The following GTF2A1L variants were observed in gnomAD, a reference collection of about 807,000 sequenced individuals.
GTF2A1L encodes the protein general transcription factor IIA subunit 1 like.
GTF2A1L carries 48 observed loss-of-function variants against 49.7 expected under a neutral mutation model. The ratio of observed to expected loss-of-function variants is 0.97; its 90% CI spans 0.77 to 1.23. The LOEUF (loss-of-function observed/expected upper bound fraction) is 1.23, where lower values mean the gene tolerates loss of function less well. GTF2A1L is among the 50% of genes most tolerant of loss of function. The probability of loss-of-function intolerance (pLI) is 0.00; values close to 1 mark genes in which losing one functional copy is unlikely to be tolerated. For missense variants in GTF2A1L, 736 were observed against 564.8 expected (o/e 1.30, Z -3.07); for synonymous variants, 246 against 193.5 (o/e 1.27, Z -2.25).
Position 48,679,543 on chromosome 2 carries a change from T to A in GTF2A1L, c.*101T>A. ...TGAATATAGTCCAGCACAGAGCTGT[T>A]CAAATTTTTAGTTCACTGTATGGAA... On this transcript the variant is annotated 3_prime_UTR_variant, in exon 9 of 9. Transcript: ENST00000403751. 1 of 1,501,332 alleles carries A rather than the reference T, an allele frequency of 6.7e-7. No homozygotes were observed. Among genetic ancestry groups the A allele is most frequent in the Non-Finnish European group, 8.8e-7 (1 of 1,131,652 alleles). The allele number at this position is 1,501,332 out of a possible 1,614,324, so 93.0% of individuals were successfully genotyped here.
At chr2:48,679,263 C>A in intron 8 of GTF2A1L, 72 bp from the exon 9 acceptor site, 1 of 1,552,708 alleles carries the variant, frequency 6.4e-7, no homozygotes, top group Non-Finnish European at 8.7e-7. Flanking sequence ...ATCCCATTTA[C>A]TGTAGCAGAG....
chr2:48,628,638 G>A (rs56141700), intron 3 of GTF2A1L, among the ~76,000 whole-genome samples: 17,574 of 143,246 alleles, frequency 0.12, 3,138 homozygotes, highest in African/African-American at 0.14. Flanking sequence ...TGAGTAGTTC[G>A]TGAATATTTT....
chr2:48,660,941 C>T (rs1678459294), intron 6 of GTF2A1L, among the ~76,000 whole-genome samples: 1 of 152,080 alleles, frequency 6.6e-6, no homozygotes, highest in African/African-American at 2.4e-5. Flanking sequence ...ATGGCCGACC[C>T]TCATTGATAA....
At chr2:48,659,678 C>A (rs1349573665) in intron 6 of GTF2A1L, among the ~76,000 whole-genome samples, 1 of 151,948 alleles carries the variant, frequency 6.6e-6, no homozygotes, top group Non-Finnish European at 1.5e-5. Context: ...ATATACAAGT[C>A]TTTTGCCTCT....
chr2:48,676,904 A>G (rs1361399272), intron 8 of GTF2A1L, among the ~76,000 whole-genome samples: 2 of 150,164 alleles, frequency 1.3e-5, no homozygotes, highest in South Asian at 2.1e-4. Flanking sequence ...TGTATAATGT[A>G]ACATATGGTT....
At chr2:48,665,980 G>C (rs1015910980) in intron 6 of GTF2A1L, among the ~76,000 whole-genome samples, 1 of 151,960 alleles carries the variant, frequency 6.6e-6, no homozygotes, top group African/African-American at 2.4e-5. Context: ...AGCTATGTTT[G>C]TAGGTATATA....
chr2:48,672,934 A>G (rs1321188105), intron 8 of GTF2A1L, among the ~76,000 whole-genome samples: 2 of 152,170 alleles, frequency 1.3e-5, no homozygotes, highest in African/African-American at 4.8e-5. Context: ...TTAGTGCAGT[A>G]TTCTCCCCAT....
chr2:48,657,756 A>G lies in GTF2A1L; in HGVS notation c.978+10714A>G, dbSNP rs546330402. 1.4e-4 allele frequency among the ~76,000 whole-genome samples: 12 copies of G among 87,064 alleles called. No homozygotes were observed. In the South Asian group the frequency reaches 6.3e-3, roughly 46 times the overall value. 57.1% of individuals were successfully genotyped at this position (87,064 alleles called of 152,430 possible). A position where few individuals can be genotyped will look rare whatever the true frequency, so the allele number is the denominator to read the frequency against. On this transcript the variant is annotated intron_variant, in intron 6 of 8. Transcript: ENST00000403751. ...CCTTTTCCTCTGCAGCCTTGCTGGA[A>G]TCTCTTGTTTTTTTTTTTTGACTTT...
At chr2:48,672,461 C>T (rs1225837608) in intron 8 of GTF2A1L, among the ~76,000 whole-genome samples, 1 of 152,136 alleles carries the variant, frequency 6.6e-6, no homozygotes, top group Non-Finnish European at 1.5e-5. Flanking sequence ...GTTTAAAAGC[C>T]AGATGTGTTT....
chr2:48,645,076 C>A lies in GTF2A1L; in HGVS notation c.347C>A (p.Pro116His), dbSNP rs750513376. Residue 116 changes from proline (P) to histidine (H), a missense_variant, in exon 5 of 9, where the codon CCC becomes CAC. Transcript: ENST00000403751. The stretch of plus-strand genomic sequence containing the variant: ...GCAAACTTTACTTTTCCTGGTTATC[C>A]CATTCATGTACCAGCAGGTGTGACA... Reference protein sequence around the residue: ...SSANFTFPGYPIHVPAGVTLQ... With the variant: ...SSANFTFPGYHIHVPAGVTLQ... 7 of 1,612,496 alleles carry A rather than the reference C, an allele frequency of 4.3e-6. No individual in the cohort carries two copies. Among genetic ancestry groups the A allele is most frequent in the Non-Finnish European group, 5.9e-6 (7 of 1,179,440 alleles).
At chr2:48,618,417 C>T (rs1461066004) in intron 1 of GTF2A1L, among the ~76,000 whole-genome samples, 1 of 152,168 alleles carries the variant, frequency 6.6e-6, no homozygotes, top group East Asian at 1.9e-4. Flanking sequence ...CTCTAACGGA[C>T]ACTTAATTTG....
At chr2:48,645,521 G>C (rs1677444612) in intron 5 of GTF2A1L, among the ~76,000 whole-genome samples, 1 of 152,158 alleles carries the variant, frequency 6.6e-6, no homozygotes, top group African/African-American at 2.4e-5. Context: ...GGTCTGATAG[G>C]ACATCCAATA....
At chr2:48,619,480 A>T (rs34139290) in intron 1 of GTF2A1L, among the ~76,000 whole-genome samples, 14,934 of 149,854 alleles carry the variant, frequency 0.1, 761 homozygotes, top group Non-Finnish European at 0.12. Flanking sequence ...AAAAAAAAAA[A>T]AATAATAATA....
In GTF2A1L at chr2:48,629,043, A is replaced by G. The variant is rs1220576676; in HGVS notation, c.247+7753A>G. Among the ~76,000 whole-genome samples the G allele has an allele frequency of 1.4e-5, 2 of 142,908 alleles. 1 individual carries two copies. The highest frequency in any genetic ancestry group is 3.1e-5 in the Non-Finnish European group (2 of 63,512). 93.8% of individuals were successfully genotyped at this position (142,908 alleles called of 152,430 possible). A position where few individuals can be genotyped will look rare whatever the true frequency, so the allele number is the denominator to read the frequency against. On this transcript the variant is annotated intron_variant, in intron 3 of 8. Coordinates refer to ENST00000403751, the MANE Select transcript of GTF2A1L (RefSeq NM_006872.5). ...CGGATCATGAGGACAGGAGTTTGAGACCAGCCTGACCAACATGGTGAAACC... is the reference window on the plus strand; with the variant it reads ...CGGATCATGAGGACAGGAGTTTGAGGCCAGCCTGACCAACATGGTGAAACC...
At chr2:48,621,138 A>T in intron 2 of GTF2A1L, 29 bp from the exon 3 acceptor site, 1 of 1,592,544 alleles carries the variant, frequency 6.3e-7, no homozygotes, top group Non-Finnish European at 8.5e-7. Context: ...ATATTTTTTT[A>T]AAGTAAACTT....
At position 48,674,033 on chromosome 2, in the gene GTF2A1L, A is replaced by G. The variant is rs1270803023; in HGVS notation, c.1329+2353A>G. ...TATGGGGTAATGTGTTCTGAACCCC[A>G]TAGATACCTTTTTGCTGCTATGAAT... On this transcript the variant is annotated intron_variant, in intron 8 of 8. Transcript: ENST00000403751. Among the ~76,000 whole-genome samples the G allele has an allele frequency of 2.6e-5, 4 of 152,160 alleles. No individual in the cohort carries two copies. The East Asian group carries it at 7.7e-4, about 29-fold the overall frequency.
intron 3 of GTF2A1L, among the ~76,000 whole-genome samples, chr2:48,622,425 G>T (rs557585668): frequency 1.3e-5 from 2 of 152,154 alleles, no homozygotes; most frequent in Non-Finnish European, 2.9e-5. Context: ...ATTTCATTGG[G>T]ACATCTCCTT....
At chr2:48,649,539 G>T (rs536925537) in intron 6 of GTF2A1L, among the ~76,000 whole-genome samples, 25 of 152,282 alleles carry the variant, frequency 1.6e-4, no homozygotes, top group African/African-American at 6.0e-4. Flanking sequence ...ATGACTTAGA[G>T]AAGTTACTCA....
intron 3 of GTF2A1L, among the ~76,000 whole-genome samples, chr2:48,636,310 C>T (rs987727833): frequency 6.6e-5 from 10 of 152,088 alleles, no homozygotes; most frequent in African/African-American, 1.7e-4. Flanking sequence ...TATTTCATCT[C>T]GTAAAATATT....
Sources: allele counts gnomAD v4.1 joint callset (sites outside exome capture counted in the v4.1 genomes callset), GRCh38; gene constraint gnomAD v4.1.1; transcripts MANE v1.5; gene names NCBI Gene and HGNC (gene_info 2026-07-23, HGNC 2026-07-21).